GAB4: variants seen among roughly 807,000 people sequenced by gnomAD.
The protein encoded by GAB4 is GRB2 associated binding protein family member 4.
Under a neutral mutation model 51.3 loss-of-function variants are expected in GAB4, and 26 were observed. That is an observed-to-expected ratio of 0.51 (90% CI 0.37 to 0.70). The LOEUF (loss-of-function observed/expected upper bound fraction) is 0.70. GAB4 is among the 30% of genes least tolerant of loss of function. The pLI, the probability that GAB4 is intolerant of heterozygous loss-of-function variation, is 0.00. For synonymous variants in GAB4, 329 were observed against 291.2 expected (o/e 1.13, Z -1.32); for missense variants, 759 against 734.6 (o/e 1.03, Z -0.38).
At chr22:16,984,450 A>G (rs1183356003) in intron 3 of GAB4, among the ~76,000 whole-genome samples, 3 of 152,252 alleles carry the variant, frequency 2.0e-5, no homozygotes, top group African/African-American at 7.2e-5. Flanking sequence ...ACTGCTGGGT[A>G]TATAGCCAAC....
rs762500758 is a variant in GAB4, at chr22:16,988,033, T to G, written c.613A>C (p.Thr205Pro). 6.2e-7 allele frequency: 1 copy of G among 1,608,448 alleles called. No homozygotes were observed. Among genetic ancestry groups the G allele is most frequent in the East Asian group, 2.2e-5 (1 of 44,834 alleles). Residue 205 changes from threonine to proline, a missense_variant, in exon 3 of 10, where the codon ACC becomes CCC. Thr to Pro is a conservative substitution (Grantham distance 38, BLOSUM62 -1). Transcript: ENST00000400588. ...EPPVSHCVPP[T>P]WPIPAPPGCL... ...CCCGGAGGTGCAGGGATGGGCCAGG[T>G]GGGCGGCACACAGTGAGACACCGGG...
chr22:17,002,193 T>C (rs113316938), intron 1 of GAB4, among the ~76,000 whole-genome samples: 1,808 of 152,236 alleles, frequency 0.012, 37 homozygotes, highest in African/African-American at 0.041. Context: ...AGTGCCTCAG[T>C]TGGAAATGCA....
Position 17,007,891 on chromosome 22 carries a change from C to A in GAB4, c.174+50G>T, listed in dbSNP as rs761926664. ...GCCTCCCCCACGCCCCTCCCGGAGT[C>A]CCCAGACCCTCCGTGGCGCTCCTGG... On this transcript the variant is annotated intron_variant, in intron 1 of 9. Transcript: ENST00000400588. The A allele has an allele frequency of 9.9e-6, 15 of 1,509,576 alleles. 1 individual carries two copies. The South Asian group carries it at 1.9e-4, about 19-fold the overall frequency. The allele number at this position is 1,509,576 out of a possible 1,614,324, so 93.5% of individuals were successfully genotyped here.
Position 16,988,231 on chromosome 22 carries a change from C to T in GAB4, c.479-64G>A, listed in dbSNP as rs2060885160. On this transcript the variant is annotated intron_variant, in intron 2 of 9. Transcript: ENST00000400588. ...AAGTGGGCTGCTAGAGGCAGAAACA[C>T]ATGAAGACAGTGGCGGTAATCCAGC... The T allele has an allele frequency of 3.7e-6, 4 of 1,079,188 alleles. No individual in the cohort carries two copies. In the South Asian group the frequency reaches 3.9e-5, roughly 11 times the overall value. 66.9% of individuals were successfully genotyped at this position (1,079,188 alleles called of 1,614,324 possible). A position where few individuals can be genotyped will look rare whatever the true frequency, so the allele number is the denominator to read the frequency against.
chr22:17,000,733 T>A (rs2060990960), intron 1 of GAB4, among the ~76,000 whole-genome samples: 6 of 152,240 alleles, frequency 3.9e-5, no homozygotes, highest in Admixed American at 3.9e-4. Context: ...CTTCCTAGCA[T>A]CAAGGGTCTT....
At position 16,967,881 on chromosome 22, in the gene GAB4, C is replaced by A. The variant is rs568907419; in HGVS notation, c.1023+417G>T. ...AGGCTCACACAGAAGCACCCCTGCT[C>A]CAGAGGATCTCCTGGATAAGGTTGC... is the stretch of plus-strand genomic sequence containing the variant. On this transcript the variant is annotated intron_variant, in intron 5 of 9. Coordinates refer to ENST00000400588, the MANE Select transcript of GAB4 (RefSeq NM_001037814.1). Among the ~76,000 whole-genome samples, 25 of 152,290 alleles carry A rather than the reference C, an allele frequency of 1.6e-4. No homozygotes were observed. The South Asian group carries it at 5.2e-3, about 32-fold the overall frequency.
In GAB4 at chr22:16,962,707, C is replaced by T. The variant is rs369263047; in HGVS notation, c.*26G>A. Reference sequence around the variant, plus strand: ...GAGCAGCTCTGAGGCACTGTCCTGGCCCCACTCTGGTTTTGGTGGCCCGAG... The same window carrying T: ...GAGCAGCTCTGAGGCACTGTCCTGGTCCCACTCTGGTTTTGGTGGCCCGAG... On this transcript the variant is annotated 3_prime_UTR_variant, in exon 10 of 10. Transcript: ENST00000400588. The T allele has an allele frequency of 9.4e-6, 15 of 1,601,300 alleles. No individual in the cohort carries two copies. The highest frequency in any genetic ancestry group is 3.9e-4 in the Middle Eastern group (2 of 5,168).
chr22:16,988,164 A>C lies in GAB4; in HGVS notation c.482T>G (p.Phe161Cys). 6.2e-7 allele frequency: 1 copy of C among 1,608,306 alleles called. No homozygotes were observed. The highest frequency in any genetic ancestry group is 8.5e-7 in the Non-Finnish European group (1 of 1,175,314). Residue 161 changes from phenylalanine (F) to cysteine (C), a missense_variant, in exon 3 of 10, where the codon TTC becomes TGC. Physicochemically the swap from Phe to Cys is radical, Grantham distance 205 (BLOSUM62 -2). This residue lies in a region of GAB4 where 88 missense variants were observed against 151.3 expected (regional missense o/e 0.58). Coordinates refer to ENST00000400588, the MANE Select transcript of GAB4 (RefSeq NM_001037814.1). ...ACTGGCTGAGGAAATGTTTCCCAGG[A>C]AGCCTGTGAATGAAACAGGAAGGAA... Reference protein sequence around the residue: ...CGFRQEESTGFLGNISSASHG... With the variant: ...CGFRQEESTGCLGNISSASHG...
At chr22:16,988,508 C>T (rs2060888007) in intron 2 of GAB4, among the ~76,000 whole-genome samples, 1 of 152,234 alleles carries the variant, frequency 6.6e-6, no homozygotes. Context: ...CTCCCTCCTC[C>T]ATGGTGGCTC....
At chr22:16,972,435 G>C (rs1291742333) in intron 3 of GAB4, among the ~76,000 whole-genome samples, 1 of 152,238 alleles carries the variant, frequency 6.6e-6, no homozygotes, top group Non-Finnish European at 1.5e-5. Context: ...CAGCCTGGCA[G>C]TTCAAGGGGC....
rs528578658 is a variant in GAB4 at position 16,973,748 on chromosome 22, T to A, written c.687-3555A>T. On this transcript the variant is annotated intron_variant, in intron 3 of 9. Coordinates refer to ENST00000400588, the MANE Select transcript of GAB4 (RefSeq NM_001037814.1). ...ACATGCACTCACTCTGTCTGGTGTG[T>A]GTTATCAGTGTGAGTCTCCCCACTC... Among the ~76,000 whole-genome samples the A allele has an allele frequency of 3.9e-5, 6 of 152,296 alleles. No individual in the cohort carries two copies. In the South Asian group the frequency reaches 8.3e-4, roughly 21 times the overall value.
intron 3 of GAB4, among the ~76,000 whole-genome samples, chr22:16,979,958 T>C (rs1009294698): frequency 6.6e-6 from 1 of 152,228 alleles, no homozygotes; most frequent in Admixed American, 6.5e-5. Flanking sequence ...GGTAGCCATA[T>C]GCAGGGAACT....
At position 16,988,061 on chromosome 22, in the gene GAB4, C is replaced by T; in HGVS notation, c.585G>A (p.Glu195=). Residue 195 remains glutamate (E), a synonymous_variant, in exon 3 of 10, where the codon GAG becomes GAA. Coordinates refer to ENST00000400588, the MANE Select transcript of GAB4 (RefSeq NM_001037814.1). ...GCGGCACACAGTGAGACACCGGGGG[C>T]TCAGATGTGGGTTCTTGTTCTTGGG... ...HLPQEQEPTS[E]PPVSHCVPPT... 1 of 1,607,844 alleles carries T rather than the reference C, an allele frequency of 6.2e-7. No homozygotes were observed. Among genetic ancestry groups the T allele is most frequent in the Non-Finnish European group, 8.5e-7 (1 of 1,177,254 alleles).
At chr22:16,963,341 T>C (rs73145681) in intron 9 of GAB4, among the ~76,000 whole-genome samples, 12,727 of 151,856 alleles carry the variant, frequency 0.084, 690 homozygotes, top group Admixed American at 0.16. Context: ...GACCCAGGAG[T>C]TCCTTCTGAG....
intron 5 of GAB4, chr22:16,966,758 G>A: frequency 5.2e-6 from 1 of 192,130 alleles, no homozygotes; most frequent in Non-Finnish European, 1.1e-5. Context: ...TAAATGCCTG[G>A]ATGGTCCATT....
chr22:16,962,934 G>C (rs1056699127), intron 9 of GAB4, 58 bp from the exon 10 acceptor site: 1 of 1,547,514 alleles, frequency 6.5e-7, no homozygotes, highest in Non-Finnish European at 8.8e-7. Flanking sequence ...TGGTGAGGAA[G>C]GGCAGGCCAA....
intron 3 of GAB4, among the ~76,000 whole-genome samples, chr22:16,973,805 C>T (rs5748771): frequency 0.16 from 24,850 of 152,060 alleles, 2,336 homozygotes; most frequent in East Asian, 0.41. Context: ...CTCCCTGTTC[C>T]CACAGCACCT....
At chr22:16,996,567 G>T (rs1462450619) in intron 1 of GAB4, among the ~76,000 whole-genome samples, 1 of 152,070 alleles carries the variant, frequency 6.6e-6, no homozygotes, top group Admixed American at 6.5e-5. Flanking sequence ...GAGAAAGGTC[G>T]GGCTACCCAC....
intron 3 of GAB4, among the ~76,000 whole-genome samples, chr22:16,973,262 G>A (rs1601256481): frequency 6.6e-6 from 1 of 152,188 alleles, no homozygotes. Flanking sequence ...AGGAAACCCT[G>A]TCTTATTCAT....
Sources: allele counts gnomAD v4.1 joint callset (sites outside exome capture counted in the v4.1 genomes callset), GRCh38; gene constraint gnomAD v4.1.1; regional missense constraint gnomAD v4.1.1; transcripts MANE v1.5; gene names NCBI Gene and HGNC (gene_info 2026-07-23, HGNC 2026-07-21).